PTGER4: variants seen among roughly 807,000 people sequenced by gnomAD.
PTGER4 encodes the protein prostaglandin E receptor 4, also known as prostaglandin E2 receptor EP4 subtype.
A neutral mutation model predicts 33.2 loss-of-function variants in PTGER4; 11 were observed. The observed-to-expected ratio is 0.33, with a 90% CI of 0.21 to 0.55. The LOEUF (loss-of-function observed/expected upper bound fraction) is 0.55. Among genes scored for constraint, PTGER4 ranks in the 20% least tolerant of loss-of-function variants. PTGER4 has a pLI of 0.92. For synonymous variants in PTGER4, 275 were observed against 281.5 expected, an observed-to-expected ratio of 0.98 and a Z score of 0.23; for missense variants, 481 against 650.2, an observed-to-expected ratio of 0.74 and a Z score of 2.83.
At chr5:40,735,755 C>T in the PTGER4 span, among the ~76,000 whole-genome samples, 3 of 152,074 alleles carry the variant, frequency 2.0e-5, no homozygotes, top group Non-Finnish European at 2.9e-5. Flanking sequence ...GATGAGAGAG[C>T]AGTGTATTTA....
the PTGER4 span, among the ~76,000 whole-genome samples, chr5:40,736,267 G>A: frequency 1.3e-5 from 2 of 152,286 alleles, no homozygotes; most frequent in African/African-American, 4.8e-5. Context: ...CAGAGCATGA[G>A]GCAAAACCAC....
the PTGER4 span, among the ~76,000 whole-genome samples, chr5:40,709,097 G>A: frequency 6.6e-6 from 1 of 152,146 alleles, no homozygotes; most frequent in Non-Finnish European, 1.5e-5. Flanking sequence ...GCAAAAACTG[G>A]AAGCATTCCC....
chr5:40,730,039 A>G, the PTGER4 span, among the ~76,000 whole-genome samples: 9 of 152,220 alleles, frequency 5.9e-5, no homozygotes, highest in Admixed American at 5.9e-4. Flanking sequence ...CCTATCTTAC[A>G]ATAGTTAGGC....
chr5:40,744,257 G>C, the PTGER4 span, among the ~76,000 whole-genome samples: 1 of 152,128 alleles, frequency 6.6e-6, no homozygotes. Flanking sequence ...CCTAACATTA[G>C]CTAGTTAAGT....
chr5:40,691,809 C>T lies in PTGER4; in HGVS notation c.898C>T (p.Pro300Ser), dbSNP rs141178870. ...VRVFVNQLYQPSLEREVSKNP... is the reference protein window; with the variant it reads ...VRVFVNQLYQSSLEREVSKNP... Reference sequence around the variant, plus strand: ...AGTATTCGTCAACCAGTTATATCAGCCAAGTTTGGAGCGAGAAGTCAGTAA... The same window carrying T: ...AGTATTCGTCAACCAGTTATATCAGTCAAGTTTGGAGCGAGAAGTCAGTAA... The change falls in exon 3 of 3, where the codon CCA (proline) becomes TCA (serine). Residue 300 changes from proline (P) to serine (S), a missense_variant. Coordinates refer to ENST00000302472, the MANE Select transcript of PTGER4 (RefSeq NM_000958.3). This position sits in a 1 kb window ranked among gnomAD's most constrained non-coding sequence, Gnocchi z 4.2. 4.4e-5 allele frequency: 71 copies of T among 1,613,812 alleles called. No individual in the cohort carries two copies. The highest frequency in any genetic ancestry group is 5.7e-5 in the Non-Finnish European group (67 of 1,179,916).
At chr5:40,715,739 G>A in the PTGER4 span, 3 of 157,270 alleles carry the variant, frequency 1.9e-5, no homozygotes, top group Non-Finnish European at 2.8e-5. Flanking sequence ...AATATTAAGC[G>A]CAGTATATTT....
the PTGER4 span, among the ~76,000 whole-genome samples, chr5:40,718,210 C>A: frequency 6.6e-6 from 1 of 151,650 alleles, no homozygotes; most frequent in Non-Finnish European, 1.5e-5. Context: ...CACTCAAGAC[C>A]AGGAGTTCAA....
At chr5:40,715,984 A>G in the PTGER4 span, 1 of 550,632 alleles carries the variant, frequency 1.8e-6, no homozygotes, top group Non-Finnish European at 3.1e-6. Context: ...TATTCCAAAC[A>G]CTATACAATA....
chr5:40,730,008 T>C, the PTGER4 span, among the ~76,000 whole-genome samples: 1 of 152,186 alleles, frequency 6.6e-6, no homozygotes, highest in Non-Finnish European at 1.5e-5. Flanking sequence ...CACCAGTGAC[T>C]TTAAAAGATA....
chr5:40,714,729 A>C, the PTGER4 span: 1 of 152,254 alleles, frequency 6.6e-6, no homozygotes, highest in Non-Finnish European at 1.5e-5. Flanking sequence ...AATTTCTCCA[A>C]CCCTGAAAAG....
chr5:40,693,510 G>A lies in PTGER4; in HGVS notation c.*1132G>A, dbSNP rs776000159. The A allele has an allele frequency of 2.7e-5, 27 of 985,882 alleles. No homozygotes were observed. The Middle Eastern group carries it at 1.6e-3, about 57-fold the overall frequency. 61.1% of individuals were successfully genotyped at this position (985,882 alleles called of 1,614,324 possible). On this transcript the variant is annotated 3_prime_UTR_variant, in exon 3 of 3. Coordinates refer to ENST00000302472, the MANE Select transcript of PTGER4 (RefSeq NM_000958.3). ...TCATGTATGTCAGAAGTGCAGAATT[G>A]GGGCACTTAATGGTCACCTTGTAAC...
intron 2 of PTGER4, among the ~76,000 whole-genome samples, chr5:40,689,926 A>G (rs1009665024): frequency 6.6e-6 from 1 of 152,108 alleles, no homozygotes; most frequent in African/African-American, 2.4e-5. Flanking sequence ...TTCTATTTCT[A>G]TTTCTATGTG....
chr5:40,681,599 C>T lies in PTGER4; in HGVS notation c.606C>T (p.Cys202=), dbSNP rs751739265. Residue 202 remains cysteine, a synonymous_variant, in exon 2 of 3, where the codon TGC becomes TGT. Transcript: ENST00000302472. The surrounding 1 kb of genome is among the most constrained non-coding windows in gnomAD (Gnocchi z 9.8). ...TCCTCATTCTCGCCACCGTCCTCTG[C>T]AACGTGCTTGTGTGCGGCGCGCTGC... ...SSFLILATVL[C]NVLVCGALLR... is the part of the protein sequence containing the mutation. 17 of 1,608,292 alleles carry T rather than the reference C, an allele frequency of 1.1e-5. No individual in the cohort carries two copies. Among genetic ancestry groups the T allele is most frequent in the Non-Finnish European group, 1.4e-5 (17 of 1,179,990 alleles).
At chr5:40,693,857 T>C (rs1422213817), downstream of PTGER4, 6 of 502,076 alleles carry the variant, frequency 1.2e-5, no homozygotes, top group African/African-American at 1.0e-4. Flanking sequence ...TAAAGAAATA[T>C]TGCAAGAAAA....
chr5:40,738,567 T>TACA, the PTGER4 span, among the ~76,000 whole-genome samples: 2 of 67,602 alleles, frequency 3.0e-5, no homozygotes, highest in South Asian at 5.8e-4. Flanking sequence ...TAAAATAAAA[T>TACA]ATAAAATAAA....
chr5:40,716,042 A>G, the PTGER4 span: 6 of 953,920 alleles, frequency 6.3e-6, no homozygotes, highest in South Asian at 1.2e-4. Flanking sequence ...AACATATTTT[A>G]CAACCAGGCG....
chr5:40,703,209 G>T, the PTGER4 span, among the ~76,000 whole-genome samples: 2 of 118,278 alleles, frequency 1.7e-5, no homozygotes, highest in African/African-American at 6.4e-5. Flanking sequence ...CAAATCCAGG[G>T]GTTGGTTTTT....
the PTGER4 span, among the ~76,000 whole-genome samples, chr5:40,721,598 A>T: frequency 6.6e-6 from 1 of 152,106 alleles, no homozygotes; most frequent in African/African-American, 2.4e-5. Context: ...CCATAAACAA[A>T]AGTCAACTCC....
the PTGER4 span, among the ~76,000 whole-genome samples, chr5:40,739,751 A>G: frequency 6.6e-6 from 1 of 152,174 alleles, no homozygotes; most frequent in Admixed American, 6.5e-5. Context: ...TAAATTATCC[A>G]GTCTCAGGTA....
Sources: gnomAD v4.1 joint callset for allele counts (sites outside exome capture counted in the v4.1 genomes callset) on GRCh38, gnomAD v4.1.1 for gene constraint, Gnocchi (gnomAD v3.1) non-coding constraint, MANE v1.5 for transcripts, NCBI Gene and HGNC (gene_info 2026-07-23, HGNC 2026-07-21) for gene names.